Variants in FBXO34 observed in about 807,000 individuals in gnomAD.
The protein encoded by FBXO34 is F-box protein 34.
A neutral mutation model predicts 24.5 loss-of-function variants in FBXO34; 12 were observed. That is an observed-to-expected ratio of 0.49 (90% CI 0.31 to 0.79). The LOEUF (loss-of-function observed/expected upper bound fraction) is 0.79, where lower values mean the gene tolerates loss of function less well. Among genes scored for constraint, FBXO34 ranks in the 30% least tolerant of loss-of-function variants. The pLI is 0.04. For synonymous variants in FBXO34, 320 were observed against 311.9 expected, an observed-to-expected ratio of 1.03 and a Z score of -0.27; for missense variants, 823 against 857.7, an observed-to-expected ratio of 0.96 and a Z score of 0.51.
At chr14:55,293,028 G>A (rs184352816) in intron 1 of FBXO34, among the ~76,000 whole-genome samples, 6 of 152,200 alleles carry the variant, frequency 3.9e-5, no homozygotes, top group Admixed American at 2.0e-4. Flanking sequence ...GATTACAGGC[G>A]TGTGCCACCA....
chr14:55,353,704 G>T (rs561975935), downstream of FBXO34: 31 of 165,732 alleles, frequency 1.9e-4, no homozygotes, highest in African/African-American at 6.0e-4. Flanking sequence ...AAATTGTTTT[G>T]AATTGTTGGA....
In FBXO34 at chr14:55,297,845, C is replaced by T. The variant is rs565661109; in HGVS notation, c.-11+26308C>T. The stretch of plus-strand genomic sequence containing the variant: ...AATGAAAAAATACTGTTTTCACACC[C>T]AGAAACTCTGTATGTATAATCAGAA... On this transcript the variant is annotated intron_variant, in intron 1 of 1. Transcript: ENST00000313833. Among the ~76,000 whole-genome samples the T allele has an allele frequency of 1.3e-5, 2 of 152,276 alleles. 1 individual carries two copies. Among genetic ancestry groups the T allele is most frequent in the African/African-American group, 4.8e-5 (2 of 41,552 alleles).
chr14:55,298,314 AC>A (rs1323470054), intron 1 of FBXO34, among the ~76,000 whole-genome samples: 1 of 151,462 alleles, frequency 6.6e-6, no homozygotes, highest in Non-Finnish European at 1.5e-5. Flanking sequence ...AAGATTGGAC[AC>A]CCCTGGTGTA....
chr14:55,277,318 TTTTTG>T (rs536204459), intron 1 of FBXO34, among the ~76,000 whole-genome samples: 12 of 152,092 alleles, frequency 7.9e-5, no homozygotes, highest in South Asian at 2.1e-4. Context: ...ATGATTTAAT[TTTTTG>T]TTTTGTTTTG....
chr14:55,380,875 A>ATATATATT, the FBXO34 span, among the ~76,000 whole-genome samples: 85 of 112,704 alleles, frequency 7.5e-4, no homozygotes, highest in African/African-American at 3.0e-3. Flanking sequence ...ATATATATAT[A>ATATATATT]TTTTTTTTTT....
At chr14:55,431,539 C>T in the FBXO34 span, among the ~76,000 whole-genome samples, 1 of 152,152 alleles carries the variant, frequency 6.6e-6, no homozygotes, top group Non-Finnish European at 1.5e-5. Flanking sequence ...TTTCCCTGTT[C>T]TATTGCTGAA....
the FBXO34 span, chr14:55,433,629 C>G: frequency 1.1e-5 from 17 of 1,613,574 alleles, no homozygotes; most frequent in Non-Finnish European, 1.4e-5. Context: ...ATTCCTCATA[C>G]CTTTTGGCTC....
At chr14:55,435,874 A>C in the FBXO34 span, 33 of 1,571,630 alleles carry the variant, frequency 2.1e-5, no homozygotes, top group East Asian at 7.0e-4. Context: ...CATTTTTTGC[A>C]TGCAAAGCTA....
At chr14:55,346,955 A>G (rs1884180157) in intron 1 of FBXO34, among the ~76,000 whole-genome samples, 1 of 152,136 alleles carries the variant, frequency 6.6e-6, no homozygotes, top group Non-Finnish European at 1.5e-5. Flanking sequence ...CTACTCTTAC[A>G]TTAGATCTAA....
the FBXO34 span, among the ~76,000 whole-genome samples, chr14:55,441,990 T>C: frequency 3.4e-4 from 51 of 151,118 alleles, no homozygotes; most frequent in East Asian, 9.7e-3. Flanking sequence ...CTCAATCTCC[T>C]GGCCTCAGGT....
At chr14:55,372,411 C>A (rs1884839471), downstream of FBXO34, among the ~76,000 whole-genome samples, 1 of 152,074 alleles carries the variant, frequency 6.6e-6, no homozygotes, top group Admixed American at 6.6e-5. Flanking sequence ...ACCAAAGATG[C>A]TCTGATTCTG....
At chr14:55,309,361 G>C (rs1313151056) in intron 1 of FBXO34, among the ~76,000 whole-genome samples, 1 of 152,164 alleles carries the variant, frequency 6.6e-6, no homozygotes, top group Non-Finnish European at 1.5e-5. Context: ...TTTCCAGAAC[G>C]ATGGGCTATG....
chr14:55,364,635 G>T (rs1442680362), downstream of FBXO34, among the ~76,000 whole-genome samples: 1 of 151,540 alleles, frequency 6.6e-6, no homozygotes, highest in Non-Finnish European at 1.5e-5. Context: ...TGCCATGTTG[G>T]CCAGGCTGGT....
the FBXO34 span, chr14:55,437,113 T>C: frequency 9.1e-7 from 1 of 1,098,640 alleles, no homozygotes; most frequent in African/African-American, 1.5e-5. Flanking sequence ...GCAGGCAATG[T>C]ATTCAGTGTA....
At chr14:55,407,547 G>A in the FBXO34 span, among the ~76,000 whole-genome samples, 2 of 152,236 alleles carry the variant, frequency 1.3e-5, no homozygotes, top group Non-Finnish European at 2.9e-5. Flanking sequence ...TTACAGGCAT[G>A]AGCCACTGCG....
chr14:55,396,461 A>G, the FBXO34 span, among the ~76,000 whole-genome samples: 1 of 152,258 alleles, frequency 6.6e-6, no homozygotes, highest in Non-Finnish European at 1.5e-5. Flanking sequence ...CTAATACAGA[A>G]TATCCTGGTA....
the FBXO34 span, among the ~76,000 whole-genome samples, chr14:55,438,606 TAC>T: frequency 6.6e-6 from 1 of 152,276 alleles, no homozygotes; most frequent in East Asian, 1.9e-4. Context: ...GGAACAAAGC[TAC>T]ACGTACACAA....
intron 1 of FBXO34, chr14:55,285,699 GGTC>G (rs1881738458): frequency 6.6e-6 from 1 of 152,116 alleles, no homozygotes; most frequent in Non-Finnish European, 1.5e-5. Context: ...CTCATTTGTT[GGTC>G]TACTTAAATA....
chr14:55,272,863 A>G (rs1468995734), intron 1 of FBXO34, among the ~76,000 whole-genome samples: 3 of 152,216 alleles, frequency 2.0e-5, no homozygotes, highest in Non-Finnish European at 4.4e-5. Flanking sequence ...ATAGGTAACT[A>G]AAATTTTGTC....
Sources: allele counts gnomAD v4.1 joint callset (sites outside exome capture counted in the v4.1 genomes callset), GRCh38; gene constraint gnomAD v4.1.1; transcripts MANE v1.5; gene names NCBI Gene and HGNC (gene_info 2026-07-23, HGNC 2026-07-21).